IFNGR2: variants seen among roughly 807,000 people sequenced by gnomAD.
The protein encoded by IFNGR2 is IFN-gamma receptor 2.
IFNGR2 carries 15 observed loss-of-function variants against 41.1 expected under a neutral mutation model. That is an observed-to-expected ratio of 0.37 (90% CI 0.24 to 0.56). The LOEUF (loss-of-function observed/expected upper bound fraction) is 0.56. Among genes scored for constraint, IFNGR2 ranks in the 20% least tolerant of loss-of-function variants. The probability of loss-of-function intolerance (pLI) is 0.81; values close to 1 mark genes in which losing one functional copy is unlikely to be tolerated. For synonymous variants in IFNGR2, 161 were observed against 171.6 expected (o/e 0.94, Z 0.48); for missense variants, 362 against 415.7 (o/e 0.87, Z 1.12).
intron 6 of IFNGR2, among the ~76,000 whole-genome samples, chr21:33,435,260 G>A (rs2083934129): frequency 6.6e-6 from 1 of 152,164 alleles, no homozygotes; most frequent in African/African-American, 2.4e-5. Context: ...CTTGCTGTGC[G>A]CTGGTGCAAG....
intron 3 of IFNGR2, among the ~76,000 whole-genome samples, chr21:33,426,408 C>T (rs149672466): frequency 1.3e-5 from 2 of 150,702 alleles, no homozygotes; most frequent in East Asian, 2.0e-4. Context: ...TGCGAGATTC[C>T]ATCTCAAAAA....
chr21:33,426,097 A>G (rs983533956), intron 3 of IFNGR2, among the ~76,000 whole-genome samples: 10 of 152,050 alleles, frequency 6.6e-5, no homozygotes, highest in Admixed American at 6.6e-4. Context: ...ATAGACTTAC[A>G]TGGCAACACT....
chr21:33,436,509 G>A (rs568785171), intron 6 of IFNGR2, among the ~76,000 whole-genome samples: 126 of 152,234 alleles, frequency 8.3e-4, no homozygotes, highest in South Asian at 3.9e-3. Context: ...GATCATTTGC[G>A]ATCAGGAGTT....
intron 1 of IFNGR2, among the ~76,000 whole-genome samples, chr21:33,409,323 G>C (rs1363753498): frequency 2.6e-5 from 4 of 151,848 alleles, no homozygotes; most frequent in African/African-American, 9.7e-5. Flanking sequence ...CAAAAAAATA[G>C]CCAGGCGTGG....
intron 1 of IFNGR2, chr21:33,411,354 C>G (rs189092279): frequency 1.1e-5 from 5 of 440,018 alleles, no homozygotes; most frequent in Middle Eastern, 4.2e-4. Context: ...TTGGTGCTTC[C>G]TTTCTGAACT....
chr21:33,403,678 G>A (rs943716579), intron 1 of IFNGR2, 62 bp downstream of exon 1: 99 of 1,179,430 alleles, frequency 8.4e-5, no homozygotes, highest in Non-Finnish European at 1.0e-4. Flanking sequence ...TGGGGGCTGG[G>A]GGACTCCCGG....
chr21:33,436,471 C>T (rs2083952392), intron 6 of IFNGR2, among the ~76,000 whole-genome samples: 1 of 152,068 alleles, frequency 6.6e-6, no homozygotes, highest in African/African-American at 2.4e-5. Flanking sequence ...GCCTATAATC[C>T]CAGCACTTTG....
intron 2 of IFNGR2, among the ~76,000 whole-genome samples, chr21:33,420,428 T>C (rs2083783788): frequency 2.0e-5 from 3 of 152,070 alleles, no homozygotes; most frequent in Admixed American, 1.3e-4. Flanking sequence ...GAGTGTGGCA[T>C]TGGGACTCTG....
Position 33,421,648 on chromosome 21 carries a change from C to G in IFNGR2, c.375C>G (p.Ala125=). Reference sequence around the variant, plus strand: ...CTGAGCTGGGAGCACTCCATTCTGCCTGGGTGACAATGCCTTGGTTTCAAC... The same window carrying G: ...CTGAGCTGGGAGCACTCCATTCTGCGTGGGTGACAATGCCTTGGTTTCAAC... The part of the protein sequence containing the change: ...LRAELGALHS[A]WVTMPWFQHY... Residue 125 remains alanine, a synonymous_variant, in exon 3 of 7, where the codon GCC becomes GCG. Transcript: ENST00000290219. 1 of 1,614,150 alleles carries G rather than the reference C, an allele frequency of 6.2e-7. No homozygotes were observed. The highest frequency in any genetic ancestry group is 8.5e-7 in the Non-Finnish European group (1 of 1,179,990).
intron 2 of IFNGR2, among the ~76,000 whole-genome samples, chr21:33,418,382 A>G: frequency 6.6e-6 from 1 of 152,180 alleles, no homozygotes; most frequent in East Asian, 1.9e-4. Context: ...TAAAAGAAAC[A>G]TAGGTTAGGG....
At chr21:33,427,841 CA>C (rs371298693) in intron 4 of IFNGR2, among the ~76,000 whole-genome samples, 58,833 of 115,002 alleles carry the variant, frequency 0.51, 15,315 homozygotes, top group East Asian at 0.76. Flanking sequence ...CATCTCATTT[CA>C]TCTTTTTTTT....
At chr21:33,406,648 C>CTTTT (rs35138843) in intron 1 of IFNGR2, among the ~76,000 whole-genome samples, 2 of 131,860 alleles carry the variant, frequency 1.5e-5, no homozygotes, top group Admixed American at 7.6e-5. Context: ...GTGTTGGAAA[C>CTTTT]TTTTTTTTTT....
chr21:33,403,424 A>C lies in IFNGR2; in HGVS notation c.-120A>C. On this transcript the variant is annotated 5_prime_UTR_variant, in exon 1 of 7. Coordinates refer to ENST00000290219, the MANE Select transcript of IFNGR2 (RefSeq NM_005534.4). ...CGGGACGCCCCGCTGCTGCTCGGGAAGAGGCGGGCCCTGCGCGCCCTGCGC... is the reference window on the plus strand; with the variant it reads ...CGGGACGCCCCGCTGCTGCTCGGGACGAGGCGGGCCCTGCGCGCCCTGCGC... 7.0e-6 allele frequency: 3 copies of C among 428,400 alleles called. No homozygotes were observed. Among genetic ancestry groups the C allele is most frequent in the Admixed American group, 5.8e-5 (1 of 17,262 alleles). 26.5% of individuals were successfully genotyped at this position (428,400 alleles called of 1,614,324 possible). A position where few individuals can be genotyped will look rare whatever the true frequency, so the allele number is the denominator to read the frequency against.
chr21:33,423,095 A>T (rs1453986021), intron 3 of IFNGR2, among the ~76,000 whole-genome samples: 1 of 130,216 alleles, frequency 7.7e-6, no homozygotes, highest in African/African-American at 2.9e-5. Context: ...GCTGGAGTGC[A>T]GTGGCGCAAT....
chr21:33,405,103 GAAAAA>G (rs3057379), intron 1 of IFNGR2, among the ~76,000 whole-genome samples: 1 of 119,830 alleles, frequency 8.3e-6, no homozygotes. Flanking sequence ...CTCTGTCTCA[GAAAAA>G]AAAAAAAAAA....
intron 1 of IFNGR2, among the ~76,000 whole-genome samples, chr21:33,404,211 C>G (rs1002198876): frequency 6.6e-6 from 1 of 152,250 alleles, no homozygotes; most frequent in African/African-American, 2.4e-5. Flanking sequence ...AAGCTAGACT[C>G]AGTCCCTTTG....
intron 6 of IFNGR2, 67 bp from the exon 7 acceptor site, chr21:33,436,761 A>G (rs2083957905): frequency 3.1e-6 from 4 of 1,272,556 alleles, no homozygotes; most frequent in South Asian, 2.7e-5. Flanking sequence ...AACAAAAACT[A>G]AAGTTAAAAG....
At chr21:33,409,622 C>T (rs533441634) in intron 1 of IFNGR2, among the ~76,000 whole-genome samples, 1 of 152,192 alleles carries the variant, frequency 6.6e-6, no homozygotes, top group Admixed American at 6.5e-5. Flanking sequence ...TGAACTCTAC[C>T]CTCCATGCCA....
chr21:33,411,982 T>C (rs1417651389), intron 1 of IFNGR2, among the ~76,000 whole-genome samples: 2 of 152,156 alleles, frequency 1.3e-5, no homozygotes, highest in Non-Finnish European at 1.5e-5. Context: ...TTCACAGGCA[T>C]GATCATAGCA....
Sources: gnomAD v4.1 joint callset for allele counts (sites outside exome capture counted in the v4.1 genomes callset) on GRCh38, gnomAD v4.1.1 for gene constraint, MANE v1.5 for transcripts, NCBI Gene and HGNC (gene_info 2026-07-23, HGNC 2026-07-21) for gene names.